Variants in PCTP observed in about 807,000 individuals in gnomAD.
The protein encoded by PCTP is phosphatidylcholine transfer protein, also known as START domain-containing protein 2.
PCTP carries 27 observed loss-of-function variants against 31.0 expected under a neutral mutation model. The observed-to-expected ratio is 0.87, with a 90% CI of 0.64 to 1.20. PCTP has a LOEUF of 1.20. Among genes scored for constraint, PCTP ranks in the 50% most tolerant of loss-of-function variants. The pLI is 0.00. For missense variants in PCTP, 287 were observed against 268.2 expected, an observed-to-expected ratio of 1.07 and a Z score of -0.49; for synonymous variants, 108 against 101.2, an observed-to-expected ratio of 1.07 and a Z score of -0.40.
intron 3 of PCTP, among the ~76,000 whole-genome samples, chr17:55,810,186 T>G (rs1401067375): frequency 6.6e-6 from 1 of 152,162 alleles, no homozygotes; most frequent in Non-Finnish European, 1.5e-5. Context: ...TGTTGGCTAA[T>G]CTTTATTTTT....
the PCTP span, among the ~76,000 whole-genome samples, chr17:55,849,724 G>T: frequency 6.6e-6 from 1 of 151,730 alleles, no homozygotes; most frequent in African/African-American, 2.4e-5. Context: ...TTTATAAGAC[G>T]AACACTACCC....
At chr17:55,844,548 G>A (rs139290268), downstream of PCTP, among the ~76,000 whole-genome samples, 1 of 152,196 alleles carries the variant, frequency 6.6e-6, no homozygotes, top group East Asian at 1.9e-4. Flanking sequence ...TTTTACAGAG[G>A]AGAAATAGAA....
At chr17:55,821,550 C>A (rs1913118642) in intron 3 of PCTP, among the ~76,000 whole-genome samples, 1 of 152,102 alleles carries the variant, frequency 6.6e-6, no homozygotes, top group African/African-American at 2.4e-5. Flanking sequence ...TCATAAAAAC[C>A]AACAATACAA....
At chr17:55,828,512 A>T (rs1447376381) in intron 5 of PCTP, among the ~76,000 whole-genome samples, 21 of 152,130 alleles carry the variant, frequency 1.4e-4, no homozygotes. Flanking sequence ...TCTATTTCCA[A>T]ATCTCCTCTT....
chr17:55,843,160 G>A (rs9303375), downstream of PCTP, among the ~76,000 whole-genome samples: 12,328 of 152,036 alleles, frequency 0.081, 609 homozygotes, highest in African/African-American at 0.15. Flanking sequence ...TTAATGATGT[G>A]TAATAAGGTA....
intron 3 of PCTP, among the ~76,000 whole-genome samples, chr17:55,808,248 T>C (rs868524101): frequency 3.3e-5 from 5 of 152,342 alleles, no homozygotes; most frequent in South Asian, 4.1e-4. Flanking sequence ...CCAAATGCAA[T>C]GCATAAAATG....
chr17:55,789,013 T>G (rs2145000884), intron 3 of PCTP, among the ~76,000 whole-genome samples: 1 of 152,328 alleles, frequency 6.6e-6, no homozygotes, highest in East Asian at 1.9e-4. Flanking sequence ...ACTGGCTTCC[T>G]GCCTCTGGAT....
chr17:55,768,980 C>G (rs1173477455), intron 2 of PCTP: 2 of 152,212 alleles, frequency 1.3e-5, no homozygotes, highest in Admixed American at 1.3e-4. Context: ...TTTATTAGTT[C>G]ATGGCATTGA....
intron 3 of PCTP, among the ~76,000 whole-genome samples, chr17:55,797,946 A>C (rs1912237284): frequency 1.3e-5 from 2 of 152,062 alleles, no homozygotes; most frequent in Non-Finnish European, 1.5e-5. Context: ...CCAGATACTA[A>C]ATTTATAAGA....
intron 5 of PCTP, among the ~76,000 whole-genome samples, chr17:55,830,838 T>C (rs908735944): frequency 6.6e-6 from 1 of 152,160 alleles, no homozygotes; most frequent in African/African-American, 2.4e-5. Context: ...TAGACATGCC[T>C]GGGAGCACAT....
intron 3 of PCTP, among the ~76,000 whole-genome samples, chr17:55,772,942 A>G (rs959428479): frequency 8.5e-5 from 13 of 152,158 alleles, no homozygotes; most frequent in African/African-American, 2.4e-4. Context: ...TAAGGATCCA[A>G]ATTTAAGCTG....
chr17:55,802,647 A>G (rs1912425699), intron 3 of PCTP, among the ~76,000 whole-genome samples: 1 of 152,274 alleles, frequency 6.6e-6, no homozygotes, highest in South Asian at 2.1e-4. Context: ...GTGTAATAGG[A>G]CTTTGATAAC....
At chr17:55,841,625 G>A (rs1456105845) in intron 5 of PCTP, among the ~76,000 whole-genome samples, 1 of 152,056 alleles carries the variant, frequency 6.6e-6, no homozygotes, top group Non-Finnish European at 1.5e-5. Flanking sequence ...CTGGATCTCG[G>A]GTGAATATTC....
chr17:55,823,319 A>G (rs1344773355), downstream of PCTP, among the ~76,000 whole-genome samples: 1 of 152,232 alleles, frequency 6.6e-6, no homozygotes, highest in Non-Finnish European at 1.5e-5. Context: ...TCCAGATGGG[A>G]TATGTTGTCT....
intron 3 of PCTP, among the ~76,000 whole-genome samples, chr17:55,817,587 C>A (rs2145057086): frequency 6.6e-6 from 1 of 152,244 alleles, no homozygotes; most frequent in Admixed American, 6.5e-5. Context: ...TCCTTGGTTT[C>A]CTCCTTTGGA....
intron 1 of PCTP, among the ~76,000 whole-genome samples, chr17:55,755,114 C>T (rs768301261): frequency 1.1e-4 from 16 of 152,036 alleles, no homozygotes; most frequent in Non-Finnish European, 2.1e-4. Flanking sequence ...GTCAGATTTC[C>T]ATCTATGGAA....
chr17:55,774,688 A>G, intron 4 of PCTP, 104 bp from the exon 5 acceptor site: 2 of 917,236 alleles, frequency 2.2e-6, no homozygotes, highest in Non-Finnish European at 1.8e-6. Flanking sequence ...CTCCCTCTGC[A>G]GTTTCTGAGC....
At chr17:55,791,410 A>G (rs1402361034) in intron 3 of PCTP, among the ~76,000 whole-genome samples, 11 of 146,850 alleles carry the variant, frequency 7.5e-5, no homozygotes, top group African/African-American at 2.3e-4. Flanking sequence ...TACTCATCTG[A>G]CAAAGGGCTA....
rs200586323 is a variant in PCTP at position 55,767,453 on chromosome 17, G to T, written c.259+1G>T. 2.4e-5 allele frequency: 38 copies of T among 1,560,644 alleles called. No homozygotes were observed. Among genetic ancestry groups the T allele is most frequent in the Non-Finnish European group, 3.1e-5 (35 of 1,144,052 alleles). On this transcript the variant is annotated splice_donor_variant, in intron 2 of 5. Transcript: ENST00000268896. LOFTEE classifies it high-confidence loss of function. The stretch of plus-strand genomic sequence containing the variant: ...AAACAATGGGACCAGTATGTTAAAG[G>T]TGAGTGATGCTTGCTTTTCTTTTTT...
Sources: gnomAD v4.1 joint callset for allele counts (sites outside exome capture counted in the v4.1 genomes callset) on GRCh38, gnomAD v4.1.1 for gene constraint, MANE v1.5 for transcripts, NCBI Gene and HGNC (gene_info 2026-07-23, HGNC 2026-07-21) for gene names.